Variants in CEP112 observed in about 807,000 individuals in gnomAD.
CEP112 encodes centrosomal protein 112, also known as centrosomal protein of 112 kDa.
Under a neutral mutation model 153.0 loss-of-function variants are expected in CEP112, and 127 were observed. The ratio of observed to expected loss-of-function variants is 0.83; its 90% CI spans 0.72 to 0.96. The LOEUF is 0.96. Ranked by LOEUF, CEP112 falls within the 40% of genes least tolerant of loss-of-function variation. CEP112 has a pLI of 0.00. For synonymous variants in CEP112, 358 were observed against 374.4 expected, an observed-to-expected ratio of 0.96 and a Z score of 0.51; for missense variants, 1,089 against 1,101.2, an observed-to-expected ratio of 0.99 and a Z score of 0.16.
At chr17:65,700,595 G>A (rs1482632396) in intron 23 of CEP112, among the ~76,000 whole-genome samples, 2 of 152,168 alleles carry the variant, frequency 1.3e-5, no homozygotes, top group African/African-American at 4.8e-5. Flanking sequence ...ACTGAAGCAG[G>A]AGAGGCTACA....
rs530910774 is a variant in CEP112, at chr17:66,053,590, A to G, written c.1218+146T>C. 4.4e-6 allele frequency: 3 copies of G among 687,680 alleles called. No homozygotes were observed. The East Asian group carries it at 8.2e-5, about 19-fold the overall frequency. 42.6% of individuals were successfully genotyped at this position (687,680 alleles called of 1,614,324 possible). A position where few individuals can be genotyped will look rare whatever the true frequency, so the allele number is the denominator to read the frequency against. On this transcript the variant is annotated intron_variant, in intron 12 of 26. Transcript: ENST00000535342. The stretch of plus-strand genomic sequence containing the variant: ...TTCAAGGGTCTGTCCATGGCCACAC[A>G]TAAATCTGTATGGAGTAGGAAGGTA...
In CEP112 at chr17:65,641,103, C is replaced by T. The variant is rs201249934; in HGVS notation, c.2698-38G>A. On this transcript the variant is annotated intron_variant, in intron 24 of 26. Coordinates refer to ENST00000535342, the MANE Select transcript of CEP112 (RefSeq NM_001199165.4). ...AAAATTAAGAGTTATCTTTTTACCA[C>T]ATAAATGATTGTTTTGGATTTAAGA... is the stretch of plus-strand genomic sequence containing the variant. 489 of 1,102,960 alleles carry T rather than the reference C, an allele frequency of 4.4e-4. No individual in the cohort carries two copies. The African/African-American group carries it at 7.2e-3, about 16-fold the overall frequency. The allele number at this position is 1,102,960 out of a possible 1,614,324, so 68.3% of individuals were successfully genotyped here. A position where few individuals can be genotyped will look rare whatever the true frequency, so the allele number is the denominator to read the frequency against.
chr17:66,175,081 C>T lies in CEP112; in HGVS notation c.433G>A (p.Asp145Asn). The change falls in exon 4 of 27, where the codon GAT (aspartate) becomes AAT (asparagine). Residue 145 changes from aspartate (D) to asparagine (N), a missense_variant. Transcript: ENST00000535342. ...NESWKLSSGE[D>N]NTLVQSPTDV... ...GTTGGCGACTGTACTAAAGTGTTAT[C>T]TTCTCCAGAAGAGAGTTTCCATGAT... is the stretch of plus-strand genomic sequence containing the variant. 2 of 1,612,366 alleles carry T rather than the reference C, an allele frequency of 1.2e-6. No individual in the cohort carries two copies. Among genetic ancestry groups the T allele is most frequent in the Non-Finnish European group, 1.7e-6 (2 of 1,179,230 alleles).
chr17:65,950,070 GAC>G (rs1225236315), intron 18 of CEP112, among the ~76,000 whole-genome samples: 3 of 152,214 alleles, frequency 2.0e-5, no homozygotes, highest in South Asian at 4.2e-4. Context: ...GGTAAATGGA[GAC>G]ACAGTGTTAA....
rs192932394 is a variant in CEP112 at position 65,704,364 on chromosome 17, C to A, written c.2608-15146G>T. ...TTACAGCAGCACTAGGAAACAAATACACATGGGAAGAAACGTCCCTTGTTT... is the reference window on the plus strand; with the variant it reads ...TTACAGCAGCACTAGGAAACAAATAAACATGGGAAGAAACGTCCCTTGTTT... On this transcript the variant is annotated intron_variant, in intron 23 of 26. Coordinates refer to ENST00000535342, the MANE Select transcript of CEP112 (RefSeq NM_001199165.4). Among the ~76,000 whole-genome samples the A allele has an allele frequency of 2.6e-5, 4 of 152,046 alleles. No homozygotes were observed. In the East Asian group the frequency reaches 7.7e-4, roughly 29 times the overall value.
intron 24 of CEP112, among the ~76,000 whole-genome samples, chr17:65,680,254 A>C (rs919396947): frequency 1.3e-5 from 2 of 152,194 alleles, no homozygotes; most frequent in Admixed American, 1.3e-4. Flanking sequence ...AGATGAAATG[A>C]CCACCCCGGA....
intron 23 of CEP112, among the ~76,000 whole-genome samples, chr17:65,737,633 CA>C (rs1448508026): frequency 6.6e-6 from 1 of 152,228 alleles, no homozygotes; most frequent in African/African-American, 2.4e-5. Flanking sequence ...TGAGAACAGT[CA>C]GTTCAGCCAG....
chr17:65,870,024 A>AGAAT (rs1306878931), intron 20 of CEP112, among the ~76,000 whole-genome samples: 12 of 58,032 alleles, frequency 2.1e-4, no homozygotes, highest in Non-Finnish European at 4.2e-4. Context: ...TAAGAAAGAA[A>AGAAT]GAAAGAAAGA....
intron 18 of CEP112, among the ~76,000 whole-genome samples, chr17:65,927,900 G>A (rs927768849): frequency 1.2e-4 from 18 of 151,910 alleles, no homozygotes; most frequent in African/African-American, 4.3e-4. Context: ...GTATATAATT[G>A]ACTAAATTCT....
chr17:65,718,235 G>A (rs1216473593), intron 23 of CEP112, among the ~76,000 whole-genome samples: 4 of 151,828 alleles, frequency 2.6e-5, no homozygotes, highest in African/African-American at 7.3e-5. Flanking sequence ...GTGAAACCCC[G>A]TCTCTACTAA....
At chr17:65,806,353 T>C (rs1966451) in intron 21 of CEP112, among the ~76,000 whole-genome samples, 43,661 of 152,246 alleles carry the variant, frequency 0.29, 8,044 homozygotes, top group Middle Eastern at 0.42. Flanking sequence ...GAGTAGGTAG[T>C]CATTGGAAAA....
chr17:65,902,190 C>T lies in CEP112; in HGVS notation c.2125G>A (p.Glu709Lys), dbSNP rs180805977. 2,052 of 1,613,742 alleles carry T rather than the reference C, an allele frequency of 1.3e-3. 2 individuals are homozygous for T. The highest frequency in any genetic ancestry group is 1.6e-3 in the Non-Finnish European group (1,904 of 1,179,900). The change falls in exon 20 of 27, where the codon GAA becomes AAA. Residue 709 changes from glutamate to lysine, a missense_variant. Physicochemically the swap from Glu to Lys is moderately conservative, Grantham distance 56. Coordinates refer to ENST00000535342, the MANE Select transcript of CEP112 (RefSeq NM_001199165.4). ...KQLRAANMEH[E>K]NQIQEFKKRD... Reference sequence around the variant, plus strand: ...TTCTTGAACTCCTGAATTTGATTTTCGTGCTCCATATTGGCAGCGCGAAGC... The same window carrying T: ...TTCTTGAACTCCTGAATTTGATTTTTGTGCTCCATATTGGCAGCGCGAAGC...
At chr17:65,724,927 G>A (rs1349346427) in intron 23 of CEP112, among the ~76,000 whole-genome samples, 1 of 152,110 alleles carries the variant, frequency 6.6e-6, no homozygotes, top group Admixed American at 6.6e-5. Flanking sequence ...ACACCTTCAA[G>A]CTCTATTCCT....
chr17:65,840,895 GA>G (rs1290883883), intron 21 of CEP112, among the ~76,000 whole-genome samples: 1 of 151,882 alleles, frequency 6.6e-6, no homozygotes, highest in Non-Finnish European at 1.5e-5. Context: ...CAGGGCATGT[GA>G]AAAAAATGCT....
intron 20 of CEP112, among the ~76,000 whole-genome samples, chr17:65,857,692 G>T (rs750034539): frequency 6.6e-6 from 1 of 151,912 alleles, no homozygotes; most frequent in Non-Finnish European, 1.5e-5. Context: ...TTGAGAGACT[G>T]ACCTGAGGGA....
chr17:66,086,836 T>C (rs900886769), intron 8 of CEP112, among the ~76,000 whole-genome samples: 1 of 152,214 alleles, frequency 6.6e-6, no homozygotes, highest in Non-Finnish European at 1.5e-5. Flanking sequence ...CATATGTCTC[T>C]ATTTCCCAAA....
At chr17:65,953,201 G>A (rs182196874) in intron 18 of CEP112, among the ~76,000 whole-genome samples, 11 of 152,240 alleles carry the variant, frequency 7.2e-5, no homozygotes, top group Admixed American at 6.5e-4. Context: ...TCTCAGACAT[G>A]TTAAGTTTTA....
intron 23 of CEP112, among the ~76,000 whole-genome samples, chr17:65,741,136 C>T (rs1159640712): frequency 6.6e-6 from 1 of 152,024 alleles, no homozygotes; most frequent in East Asian, 1.9e-4. Context: ...ATGGGGATGA[C>T]AGAAATACCT....
At chr17:65,985,153 G>C (rs2063360189) in intron 17 of CEP112, among the ~76,000 whole-genome samples, 1 of 152,122 alleles carries the variant, frequency 6.6e-6, no homozygotes, top group African/African-American at 2.4e-5. Context: ...GGGTTGGAGT[G>C]AGATTAAGAA....
Sources: allele counts gnomAD v4.1 joint callset (sites outside exome capture counted in the v4.1 genomes callset), GRCh38; gene constraint gnomAD v4.1.1; transcripts MANE v1.5; gene names NCBI Gene and HGNC (gene_info 2026-07-23, HGNC 2026-07-21).